The following AKAP13 variants were observed in gnomAD, a reference collection of about 807,000 sequenced individuals.
The protein encoded by AKAP13 is A-kinase anchoring protein 13.
In AKAP13, 80 loss-of-function variants were observed where a neutral mutation model predicts 264.5. The ratio of observed to expected loss-of-function variants is 0.30; its 90% CI spans 0.25 to 0.36. The LOEUF (loss-of-function observed/expected upper bound fraction) is 0.36, where lower values mean the gene tolerates loss of function less well. AKAP13 is among the 10% of genes least tolerant of loss of function. AKAP13 has a pLI of 1.00. For synonymous variants in AKAP13, 1,380 were observed against 1,250.2 expected, an observed-to-expected ratio of 1.10 and a Z score of -2.19; for missense variants, 3,712 against 3,435.2, an observed-to-expected ratio of 1.08 and a Z score of -2.01.
chr15:85,484,052 C>CAAGTTA (rs796082746), intron 1 of AKAP13, among the ~76,000 whole-genome samples: 124 of 152,114 alleles, frequency 8.2e-4, no homozygotes, highest in African/African-American at 2.8e-3. Context: ...GAACACTTGA[C>CAAGTTA]AAGTTAGTTA....
At chr15:85,532,758 C>T (rs1193011719) in intron 3 of AKAP13, among the ~76,000 whole-genome samples, 2 of 152,198 alleles carry the variant, frequency 1.3e-5, no homozygotes, top group African/African-American at 2.4e-5. Context: ...GGTGTTAAAT[C>T]TTGCTGACCT....
At chr15:85,386,535 C>T (rs990184857) in intron 1 of AKAP13, among the ~76,000 whole-genome samples, 3 of 150,440 alleles carry the variant, frequency 2.0e-5, no homozygotes, top group Non-Finnish European at 3.0e-5. Flanking sequence ...GTGAGCCACC[C>T]ACCGCAGCCT....
intron 8 of AKAP13, among the ~76,000 whole-genome samples, chr15:85,611,339 T>C (rs898712831): frequency 6.6e-6 from 1 of 152,206 alleles, no homozygotes; most frequent in South Asian, 2.1e-4. Context: ...AGATTCACTG[T>C]GTCTAAAAGT....
rs779495573 is a variant in AKAP13 at position 85,579,783 on chromosome 15, G to A, written c.1715G>A (p.Arg572Gln). 3.1e-6 allele frequency: 5 copies of A among 1,614,210 alleles called. No individual in the cohort carries two copies. The highest frequency in any genetic ancestry group is 2.2e-5 in the East Asian group (1 of 44,888). Residue 572 changes from arginine (R) to glutamine (Q), a missense_variant, in exon 7 of 37, where the codon CGA becomes CAA. By Grantham distance (43) the Arg-to-Gln change is conservative (BLOSUM62 1). Transcript: ENST00000394518. ...AAAACAGCAGAAACGGAAACTTCACGAAGTCGTGAGGAGAGTGCTGATGCT... is the reference window on the plus strand; with the variant it reads ...AAAACAGCAGAAACGGAAACTTCACAAAGTCGTGAGGAGAGTGCTGATGCT... ...TEKTAETETSRSREESADAPV... is the reference protein window; with the variant it reads ...TEKTAETETSQSREESADAPV...
intron 1 of AKAP13, among the ~76,000 whole-genome samples, chr15:85,388,771 C>T (rs979205120): frequency 8.6e-5 from 13 of 152,012 alleles, no homozygotes; most frequent in East Asian, 1.9e-4. Context: ...ATTTGTTTCC[C>T]GTTATGTTCA....
In AKAP13 at chr15:85,726,903, TC is replaced by T; in HGVS notation, c.6823-162del. 10 of 728,546 alleles carry T rather than the reference TC, an allele frequency of 1.4e-5. No individual in the cohort carries two copies. In the South Asian group the frequency reaches 1.9e-4, roughly 14 times the overall value. The allele number at this position is 728,546 out of a possible 1,614,324, so 45.1% of individuals were successfully genotyped here. A position where few individuals can be genotyped will look rare whatever the true frequency, so the allele number is the denominator to read the frequency against. On this transcript the variant is annotated intron_variant, in intron 27 of 36. Coordinates refer to ENST00000394518, the MANE Select transcript of AKAP13 (RefSeq NM_007200.5). ...CTTTTGAAATCTTTTTTTGTTAAAA[TC>T]TGAATGAAATAAGGAGATACTTCTC...
chr15:85,689,508 G>A (rs891608015), intron 16 of AKAP13, among the ~76,000 whole-genome samples: 2 of 152,160 alleles, frequency 1.3e-5, no homozygotes, highest in African/African-American at 2.4e-5. Flanking sequence ...GTTAAATACC[G>A]TTAGCCTGTT....
intron 5 of AKAP13, among the ~76,000 whole-genome samples, chr15:85,561,988 A>G (rs2078396903): frequency 6.6e-6 from 1 of 152,228 alleles, no homozygotes; most frequent in Non-Finnish European, 1.5e-5. Context: ...GTTTTGGTTT[A>G]GATTGTTGAT....
chr15:85,410,081 G>T (rs1421519551), intron 1 of AKAP13, among the ~76,000 whole-genome samples: 2 of 151,574 alleles, frequency 1.3e-5, no homozygotes, highest in Non-Finnish European at 2.9e-5. Flanking sequence ...AAAAGGGTTG[G>T]TATTCACTTT....
At chr15:85,643,634 G>C (rs550261949) in intron 9 of AKAP13, among the ~76,000 whole-genome samples, 1 of 152,212 alleles carries the variant, frequency 6.6e-6, no homozygotes, top group South Asian at 2.1e-4. Flanking sequence ...TAGTCATTCT[G>C]TGTTCCAAAA....
chr15:85,575,358 A>T (rs112781557), intron 6 of AKAP13, 29 bp downstream of exon 6: 9 of 1,592,964 alleles, frequency 5.6e-6, no homozygotes, highest in Non-Finnish European at 7.8e-6. Context: ...ATTTTTAAGT[A>T]TATGCATGTG....
chr15:85,567,587 C>G (rs2078649631), intron 5 of AKAP13, among the ~76,000 whole-genome samples: 1 of 152,184 alleles, frequency 6.6e-6, no homozygotes, highest in Non-Finnish European at 1.5e-5. Flanking sequence ...AAGCTAAATA[C>G]TCATTTTCTA....
intron 24 of AKAP13, 49 bp downstream of exon 24, chr15:85,722,165 T>C: frequency 6.2e-7 from 1 of 1,611,494 alleles, no homozygotes. Context: ...GAGCCATGTG[T>C]CCCTGTCGGC....
At chr15:85,458,307 A>G (rs906420864) in intron 1 of AKAP13, among the ~76,000 whole-genome samples, 3 of 151,494 alleles carry the variant, frequency 2.0e-5, no homozygotes, top group Non-Finnish European at 4.4e-5. Context: ...AAAATTACCC[A>G]TAATTGTAAT....
At chr15:85,711,945 A>T (rs1204533674) in intron 19 of AKAP13, among the ~76,000 whole-genome samples, 1 of 152,042 alleles carries the variant, frequency 6.6e-6, no homozygotes, top group African/African-American at 2.4e-5. Context: ...AAATCCCCTC[A>T]CCTCAGATTC....
intron 1 of AKAP13, among the ~76,000 whole-genome samples, chr15:85,399,528 A>T (rs1567038678): frequency 8.9e-6 from 1 of 112,360 alleles, no homozygotes; most frequent in Non-Finnish European, 1.9e-5. Context: ...AAAAATAAAA[A>T]AATAAAAAAA....
chr15:85,507,799 G>A (rs2076283440), intron 2 of AKAP13, among the ~76,000 whole-genome samples: 1 of 152,186 alleles, frequency 6.6e-6, no homozygotes, highest in Non-Finnish European at 1.5e-5. Flanking sequence ...GGATATGATG[G>A]CAGTAGCACC....
chr15:85,687,126 C>G (rs1433851194), intron 16 of AKAP13, among the ~76,000 whole-genome samples: 2 of 152,112 alleles, frequency 1.3e-5, no homozygotes, highest in East Asian at 3.9e-4. Context: ...AATTTAGAAA[C>G]TGGACCCTGA....
chr15:85,533,540 T>G, intron 3 of AKAP13, 44 bp from the exon 4 acceptor site: 1 of 1,529,380 alleles, frequency 6.5e-7, no homozygotes, highest in Non-Finnish European at 8.8e-7. Context: ...CTTTCAGCAG[T>G]GAGGCTCTAA....
Sources: gnomAD v4.1 joint callset for allele counts (sites outside exome capture counted in the v4.1 genomes callset) on GRCh38, gnomAD v4.1.1 for gene constraint, MANE v1.5 for transcripts, NCBI Gene and HGNC (gene_info 2026-07-23, HGNC 2026-07-21) for gene names.